Variants in ZNF470 observed in about 807,000 individuals in gnomAD.
ZNF470 encodes zinc finger protein 470.
ZNF470 carries 13 observed loss-of-function variants against 13.9 expected under a neutral mutation model. That is an observed-to-expected ratio of 0.94 (90% CI 0.61 to 1.49). ZNF470 has a LOEUF of 1.49. Among genes scored for constraint, ZNF470 ranks in the 40% most tolerant of loss-of-function variants. ZNF470 has a pLI of 0.00. For synonymous variants in ZNF470, 293 were observed against 282.9 expected (o/e 1.04, Z -0.36); for missense variants, 929 against 857.3 (o/e 1.08, Z -1.04).
Position 56,573,647 on chromosome 19 carries a change from A to T in ZNF470, c.61-747A>T, listed in dbSNP as rs142149787. On this transcript the variant is annotated intron_variant, in intron 3 of 5. Transcript: ENST00000330619. ...TCTCCTGATAATTTCCCATTAGATTATCAAAAAACAACTTTTGGGCATGTT... is the reference window on the plus strand; with the variant it reads ...TCTCCTGATAATTTCCCATTAGATTTTCAAAAAACAACTTTTGGGCATGTT... 5.4e-4 allele frequency among the ~76,000 whole-genome samples: 82 copies of T among 152,352 alleles called. 1 individual carries two copies. In the East Asian group the frequency reaches 0.013, roughly 24 times the overall value.
intron 5 of ZNF470, among the ~76,000 whole-genome samples, chr19:56,576,219 G>C (rs949771052): frequency 2.0e-5 from 3 of 152,040 alleles, no homozygotes; most frequent in Admixed American, 1.3e-4. Flanking sequence ...CTGATACCAA[G>C]AGGAGATACA....
Position 56,574,684 on chromosome 19 carries a change from G to T in ZNF470, c.234G>T (p.Glu78Asp). 1 of 1,613,850 alleles carries T rather than the reference G, an allele frequency of 6.2e-7. No individual in the cohort carries two copies. Among genetic ancestry groups the T allele is most frequent in the East Asian group, 2.2e-5 (1 of 44,868 alleles). The change falls in exon 5 of 6, where the codon GAG becomes GAT. Residue 78 changes from glutamate (E) to aspartate (D), a missense_variant. Transcript: ENST00000330619. ...ATGTGATCTCCTTACTGGAGCAAGA[G>T]AAAGACCCTTGGGTGATAAAAGGAG... ...KPDVISLLEQ[E>D]KDPWVIKGGM...
rs1440088072 is a variant in ZNF470 at position 56,574,028 on chromosome 19, CTT to C, written c.61-364_61-363del. 8.2e-6 allele frequency: 7 copies of C among 855,828 alleles called. No homozygotes were observed. The African/African-American group carries it at 1.3e-4, about 16-fold the overall frequency. 53.0% of individuals were successfully genotyped at this position (855,828 alleles called of 1,614,324 possible). ...AAGTTTTTCTCACAGTTCCAGAGCT[CTT>C]TAGCTTCTCCATGTAGAGAAGTGAT... On this transcript the variant is annotated intron_variant, in intron 3 of 5. Transcript: ENST00000330619.
intron 5 of ZNF470, among the ~76,000 whole-genome samples, chr19:56,575,127 C>G (rs1483397443): frequency 6.6e-6 from 1 of 152,036 alleles, no homozygotes; most frequent in African/African-American, 2.4e-5. Context: ...ATTTTCTTCC[C>G]TCTGCCTTTT....
At position 56,582,698 on chromosome 19, in the gene ZNF470, C is replaced by T. The variant is rs1006687046; in HGVS notation, c.*4115C>T. ...GCCCTAATCCCATAGGACTAGTGTC[C>T]TTATAAGAGGAAGAGACACCAGAGG... On this transcript the variant is annotated 3_prime_UTR_variant, in exon 6 of 6. Coordinates refer to ENST00000330619, the MANE Select transcript of ZNF470 (RefSeq NM_001001668.4). 1 of 389,456 alleles carries T rather than the reference C, an allele frequency of 2.6e-6. No homozygotes were observed. The highest frequency in any genetic ancestry group is 3.5e-6 in the Non-Finnish European group (1 of 285,676). 24.1% of individuals were successfully genotyped at this position (389,456 alleles called of 1,614,324 possible). A position where few individuals can be genotyped will look rare whatever the true frequency, so the allele number is the denominator to read the frequency against.
In ZNF470 at chr19:56,579,387, A is replaced by C; in HGVS notation, c.*804A>C. The C allele has an allele frequency of 1.1e-6, 1 of 950,634 alleles. No individual in the cohort carries two copies. Among genetic ancestry groups the C allele is most frequent in the Non-Finnish European group, 1.3e-6 (1 of 798,216 alleles). 58.9% of individuals were successfully genotyped at this position (950,634 alleles called of 1,614,324 possible). A position where few individuals can be genotyped will look rare whatever the true frequency, so the allele number is the denominator to read the frequency against. ...CAGTGAGTCATGATCACACCACTGC[A>C]ATTCCAGCTGGGCAGCAGAGCCAGA... On this transcript the variant is annotated 3_prime_UTR_variant, in exon 6 of 6. Transcript: ENST00000330619.
Position 56,567,506 on chromosome 19 carries a change from C to T in ZNF470, c.-691C>T, listed in dbSNP as rs1300794395. On this transcript the variant is annotated 5_prime_UTR_variant, in exon 1 of 6. Transcript: ENST00000330619. ...ACCCAAAGCCGGGCGAGTGCACGTC[C>T]CGCCGGTTGCTGAGGAGAAGGGAGG... 2.1e-5 allele frequency: 21 copies of T among 986,022 alleles called. No homozygotes were observed. The highest frequency in any genetic ancestry group is 1.4e-4 in the South Asian group (3 of 21,326). 61.1% of individuals were successfully genotyped at this position (986,022 alleles called of 1,614,324 possible). A position where few individuals can be genotyped will look rare whatever the true frequency, so the allele number is the denominator to read the frequency against.
At chr19:56,569,655 A>T (rs1366143122) in intron 2 of ZNF470, among the ~76,000 whole-genome samples, 1 of 152,180 alleles carries the variant, frequency 6.6e-6, no homozygotes, top group African/African-American at 2.4e-5. Context: ...TAATATATGC[A>T]GCACAGACAT....
At chr19:56,574,118 A>G (rs1440526688) in intron 3 of ZNF470, 1 of 328,446 alleles carries the variant, frequency 3.0e-6, no homozygotes, top group Non-Finnish European at 4.4e-6. Context: ...GAATGTAGTC[A>G]GCATTTTTTC....
chr19:56,570,252 G>A, intron 2 of ZNF470, 28 bp from the exon 3 acceptor site: 2 of 1,532,550 alleles, frequency 1.3e-6, no homozygotes, highest in Non-Finnish European at 1.8e-6. Context: ...GTGCTACTTG[G>A]TTTCTCACTA....
intron 5 of ZNF470, among the ~76,000 whole-genome samples, chr19:56,575,087 G>A (rs181624716): frequency 3.3e-5 from 5 of 152,192 alleles, no homozygotes; most frequent in East Asian, 3.9e-4. Context: ...CTTAAAAGGT[G>A]AGTTTATTGA....
At position 56,577,885 on chromosome 19, in the gene ZNF470, T is replaced by C. The variant is rs745413929; in HGVS notation, c.1456T>C (p.Cys486Arg). ...TGEKPYECKECGKAFRQSTHL... is the reference protein window; with the variant it reads ...TGEKPYECKERGKAFRQSTHL... ...AGAGAAACCCTATGAATGTAAAGAA[T>C]GTGGGAAAGCTTTCCGGCAGAGCAC... is the stretch of plus-strand genomic sequence containing the variant. The change falls in exon 6 of 6, where the codon TGT becomes CGT. Residue 486 changes from cysteine (C) to arginine (R), a missense_variant. Coordinates refer to ENST00000330619, the MANE Select transcript of ZNF470 (RefSeq NM_001001668.4). 6.2e-7 allele frequency: 1 copy of C among 1,613,852 alleles called. No individual in the cohort carries two copies. Among genetic ancestry groups the C allele is most frequent in the Non-Finnish European group, 8.5e-7 (1 of 1,179,878 alleles).
In ZNF470 at chr19:56,577,833, TA is replaced by T. The variant is rs1384419266; in HGVS notation, c.1405del (p.Thr469LeufsTer140). ...AAGCCTTCAGCCATCGTGGGTCTCT[TA>T]CTCTTCATCAGAGAGTTCATACTGG... Reference protein sequence around the residue: ...EKAFSHRGSLTLHQRVHTGEK... With the variant: ...EKAFSHRGSLXLHQRVHTGEK... On this transcript the variant is annotated frameshift_variant, in exon 6 of 6. Coordinates refer to ENST00000330619, the MANE Select transcript of ZNF470 (RefSeq NM_001001668.4). LOFTEE classifies it low-confidence loss of function (END_TRUNC). 6.2e-7 allele frequency: 1 copy of T among 1,613,836 alleles called. No homozygotes were observed.
In ZNF470 at chr19:56,574,446, A is replaced by C. The variant is rs772972264; in HGVS notation, c.113A>C (p.Glu38Ala). The C allele has an allele frequency of 3.1e-6, 5 of 1,613,882 alleles. No homozygotes were observed. The African/African-American group carries it at 6.7e-5, about 22-fold the overall frequency. The change falls in exon 4 of 6, where the codon GAG (glutamate) becomes GCG (alanine). Residue 38 changes from glutamate to alanine, a missense_variant. By Grantham distance (107) the Glu-to-Ala change is moderately radical. Transcript: ENST00000330619. ...ATAGACTTTTCCCAAGATGAATGGGAGTGGCTGAATCTTGCTCAGAGAAGT... is the reference window on the plus strand; with the variant it reads ...ATAGACTTTTCCCAAGATGAATGGGCGTGGCTGAATCTTGCTCAGAGAAGT... ...VAIDFSQDEW[E>A]WLNLAQRSLY...
chr19:56,572,026 G>A (rs184208040), intron 3 of ZNF470, among the ~76,000 whole-genome samples: 7 of 151,668 alleles, frequency 4.6e-5, no homozygotes, highest in South Asian at 2.1e-4. Flanking sequence ...GTTTCTTAGC[G>A]CATTTGGACA....
Position 56,582,092 on chromosome 19 carries a change from G to A in ZNF470, c.*3509G>A. ...GAATCTTTGGAAAAATCAGGTATTG[G>A]GAGTTGCTTTTTGGATGAGATGGGG... On this transcript the variant is annotated 3_prime_UTR_variant, in exon 6 of 6. Transcript: ENST00000330619. The A allele has an allele frequency of 1.0e-6, 1 of 985,322 alleles. No individual in the cohort carries two copies. 61.0% of individuals were successfully genotyped at this position (985,322 alleles called of 1,614,324 possible).
At position 56,579,241 on chromosome 19, in the gene ZNF470, G is replaced by A. The variant is rs1261908327; in HGVS notation, c.*658G>A. Reference sequence around the variant, plus strand: ...GTTCGAGACCAACCTGAGCAACATGGTGAAACCCTGTCTCTACAAAAAATA... The same window carrying A: ...GTTCGAGACCAACCTGAGCAACATGATGAAACCCTGTCTCTACAAAAAATA... On this transcript the variant is annotated 3_prime_UTR_variant, in exon 6 of 6. Transcript: ENST00000330619. The A allele has an allele frequency of 6.8e-6, 5 of 734,422 alleles. No individual in the cohort carries two copies. The highest frequency in any genetic ancestry group is 8.3e-6 in the Non-Finnish European group (5 of 601,440). The allele number at this position is 734,422 out of a possible 1,614,324, so 45.5% of individuals were successfully genotyped here.
rs759780381 is a variant in ZNF470, at chr19:56,576,898, A to G, written c.469A>G (p.Arg157Gly). Reference protein sequence around the residue: ...RELVNQKTHFRQETITHIDTL... With the variant: ...RELVNQKTHFGQETITHIDTL... ...GCTTGTAAACCAGAAGACACATTTTAGGCAAGAGACCATCACTCATATAGA... is the reference window on the plus strand; with the variant it reads ...GCTTGTAAACCAGAAGACACATTTTGGGCAAGAGACCATCACTCATATAGA... Residue 157 changes from arginine to glycine, a missense_variant, in exon 6 of 6, where the codon AGG becomes GGG. Coordinates refer to ENST00000330619, the MANE Select transcript of ZNF470 (RefSeq NM_001001668.4). 19 of 1,576,030 alleles carry G rather than the reference A, an allele frequency of 1.2e-5. No individual in the cohort carries two copies. In the South Asian group the frequency reaches 2.0e-4, roughly 17 times the overall value.
In ZNF470 at chr19:56,577,324, C is replaced by T; in HGVS notation, c.895C>T (p.Leu299Phe). 1 of 1,613,926 alleles carries T rather than the reference C, an allele frequency of 6.2e-7. No homozygotes were observed. Among genetic ancestry groups the T allele is most frequent in the East Asian group, 2.2e-5 (1 of 44,868 alleles). The change falls in exon 6 of 6, where the codon CTT becomes TTT. Residue 299 changes from leucine (L) to phenylalanine (F), a missense_variant. Transcript: ENST00000330619. ...GAAAGCCTTCAGCCAGAATGCTCATCTTGTTCAACACCAGAGAGTTCATAC... is the reference window on the plus strand; with the variant it reads ...GAAAGCCTTCAGCCAGAATGCTCATTTTGTTCAACACCAGAGAGTTCATAC... ...CGKAFSQNAH[L>F]VQHQRVHTGE...
Sources: allele counts gnomAD v4.1 joint callset (sites outside exome capture counted in the v4.1 genomes callset), GRCh38; gene constraint gnomAD v4.1.1; transcripts MANE v1.5; gene names NCBI Gene and HGNC (gene_info 2026-07-23, HGNC 2026-07-21).